CACNA1H: variants seen among roughly 807,000 people sequenced by gnomAD.
CACNA1H encodes voltage-dependent T-type calcium channel subunit alpha-1H.
Under a neutral mutation model 192.5 loss-of-function variants are expected in CACNA1H, and 149 were observed. The observed-to-expected ratio is 0.77, with a 90% CI of 0.68 to 0.89. CACNA1H has a LOEUF of 0.89. CACNA1H is among the 40% of genes least tolerant of loss of function. CACNA1H has a pLI of 0.00. For missense variants in CACNA1H, 4,257 were observed against 3,423.5 expected (o/e 1.24, Z -6.08); for synonymous variants, 2,202 against 1,475.2 (o/e 1.49, Z -11.29).
At chr16:1,160,395 C>T (rs1449197981) in intron 2 of CACNA1H, among the ~76,000 whole-genome samples, 2 of 152,290 alleles carry the variant, frequency 1.3e-5, no homozygotes, top group East Asian at 1.9e-4. Context: ...CAGCCGGTCG[C>T]GCCCTGAGCA....
chr16:1,175,006 G>A (rs948398273), intron 2 of CACNA1H, among the ~76,000 whole-genome samples: 6 of 151,244 alleles, frequency 4.0e-5, no homozygotes, highest in Non-Finnish European at 8.8e-5. Context: ...TGGGTCTCAG[G>A]GCTGCATGGA....
intron 12 of CACNA1H, 112 bp from the exon 13 acceptor site, chr16:1,206,889 G>A: frequency 1.6e-6 from 1 of 613,452 alleles, no homozygotes; most frequent in Non-Finnish European, 2.9e-6. Flanking sequence ...AGCCAAGACG[G>A]GCAGAGCCAG....
At chr16:1,212,456 C>T in intron 25 of CACNA1H, 55 bp from the exon 26 acceptor site, 42 of 1,556,806 alleles carry the variant, frequency 2.7e-5, no homozygotes, top group Non-Finnish European at 3.6e-5. Flanking sequence ...AGGGAGGGCT[C>T]CAGGCCCGAG....
intron 5 of CACNA1H, among the ~76,000 whole-genome samples, chr16:1,198,298 C>T (rs1967239996): frequency 2.0e-5 from 3 of 152,182 alleles, no homozygotes; most frequent in Admixed American, 6.5e-5. Context: ...TCCACTCCTG[C>T]CCCTCCACAC....
At chr16:1,202,482 G>C (rs1968079028) in intron 9 of CACNA1H, 30 bp downstream of exon 9, 3 of 1,458,024 alleles carry the variant, frequency 2.1e-6, no homozygotes, top group Admixed American at 2.4e-5. Flanking sequence ...CCACGGAGGA[G>C]GCGGTGGGAC....
At chr16:1,156,545 C>T (rs960949666) in intron 2 of CACNA1H, among the ~76,000 whole-genome samples, 2 of 152,148 alleles carry the variant, frequency 1.3e-5, no homozygotes, top group East Asian at 1.9e-4. Flanking sequence ...GCGGCAGGGG[C>T]GGTGGGCGAC....
At chr16:1,154,859 C>T (rs547030859) in intron 2 of CACNA1H, among the ~76,000 whole-genome samples, 2 of 152,270 alleles carry the variant, frequency 1.3e-5, no homozygotes, top group South Asian at 2.1e-4. Context: ...CAGCAGGTGG[C>T]CTTGGGGGCG....
intron 2 of CACNA1H, among the ~76,000 whole-genome samples, chr16:1,169,916 G>A (rs1219951318): frequency 6.6e-6 from 1 of 152,268 alleles, no homozygotes; most frequent in Admixed American, 6.5e-5. Context: ...GTTTGGAGCT[G>A]GGCGGCTGGG....
At chr16:1,200,138 G>A (rs759110192) in intron 6 of CACNA1H, 118 bp from the exon 7 acceptor site, 86 of 808,000 alleles carry the variant, frequency 1.1e-4, no homozygotes, top group Non-Finnish European at 1.5e-4. Flanking sequence ...TAGTCCACTG[G>A]CCCTGACCCT....
Position 1,213,857 on chromosome 16 carries a change from C to T in CACNA1H, c.4855C>T (p.Leu1619Phe), listed in dbSNP as rs1064796794. Residue 1619 changes from leucine to phenylalanine, a missense_variant, in exon 27 of 35, where the codon CTC (leucine) becomes TTC (phenylalanine). Coordinates refer to ENST00000348261, the MANE Select transcript of CACNA1H (RefSeq NM_021098.3). ...SIHSLCTSHY[L>F]DLFITFIICV... ...TCACTCGCTGTGCACCAGCCACTAT[C>T]TCGACCTCTTCATCACCTTCATCAT... 1 of 1,609,438 alleles carries T rather than the reference C, an allele frequency of 6.2e-7. No homozygotes were observed. Among genetic ancestry groups the T allele is most frequent in the Non-Finnish European group, 8.5e-7 (1 of 1,178,330 alleles).
At chr16:1,203,928 C>T in intron 9 of CACNA1H, 82 bp from the exon 10 acceptor site, 1 of 1,023,252 alleles carries the variant, frequency 9.8e-7, no homozygotes. Context: ...ATTCACCCCA[C>T]CGCTCCTGTG....
Position 1,216,954 on chromosome 16 carries a change from T to C in CACNA1H, c.5267T>C (p.Phe1756Ser), listed in dbSNP as rs767973097. The change falls in exon 31 of 35, where the codon TTC (phenylalanine) becomes TCC (serine). Residue 1756 changes from phenylalanine (F) to serine (S), a missense_variant. Physicochemically the swap from Phe to Ser is radical, Grantham distance 155. Coordinates refer to ENST00000348261, the MANE Select transcript of CACNA1H (RefSeq NM_021098.3). ...LPQVGNLGLL[F>S]MLLFFIYAAL... Reference sequence around the variant, plus strand: ...TAGGTGGGGAACCTGGGCCTTCTTTTCATGCTCCTGTTTTTTATCTATGCT... The same window carrying C: ...TAGGTGGGGAACCTGGGCCTTCTTTCCATGCTCCTGTTTTTTATCTATGCT... The C allele has an allele frequency of 4.4e-6, 7 of 1,605,190 alleles. No individual in the cohort carries two copies. Among genetic ancestry groups the C allele is most frequent in the Non-Finnish European group, 6.0e-6 (7 of 1,176,148 alleles).
At chr16:1,178,771 C>T (rs1189971088) in intron 2 of CACNA1H, among the ~76,000 whole-genome samples, 2 of 152,182 alleles carry the variant, frequency 1.3e-5, no homozygotes, top group Non-Finnish European at 2.9e-5. Flanking sequence ...TGCCCCTGCC[C>T]CTGTCTCCTC....
At chr16:1,215,107 T>C (rs1969899513) in intron 28 of CACNA1H, 26 bp downstream of exon 28, 1 of 1,597,606 alleles carries the variant, frequency 6.3e-7, no homozygotes, top group Non-Finnish European at 8.5e-7. Flanking sequence ...CCGTCTTGGG[T>C]TCTGGGGGCC....
chr16:1,206,863 G>C (rs902390871), intron 12 of CACNA1H, 138 bp from the exon 13 acceptor site: 1 of 600,128 alleles, frequency 1.7e-6, no homozygotes, highest in Non-Finnish European at 3.0e-6. Flanking sequence ...GCCCAGGGAG[G>C]GTAGGAGGCC....
At chr16:1,211,435 T>C (rs1466794294) in intron 22 of CACNA1H, 46 bp from the exon 23 acceptor site, 1 of 1,610,654 alleles carries the variant, frequency 6.2e-7, no homozygotes, top group Non-Finnish European at 8.5e-7. Flanking sequence ...CGGTGTGGGG[T>C]GGGGCACAGG....
At position 1,204,276 on chromosome 16, in the gene CACNA1H, G is replaced by C. The variant is rs200813987; in HGVS notation, c.2269G>C (p.Gly757Arg). The change falls in exon 10 of 35, where the codon GGC (glycine) becomes CGC (arginine). Residue 757 changes from glycine (G) to arginine (R), a missense_variant. By Grantham distance (125) the Gly-to-Arg change is moderately radical. Transcript: ENST00000348261. ...GACGGACACACCAGGCCCAGGCCCA[G>C]GCAGCCCCCAGCGGCGGGCACAGCA... Reference protein sequence around the residue: ...RATDTPGPGPGSPQRRAQQRA... With the variant: ...RATDTPGPGPRSPQRRAQQRA... The C allele has an allele frequency of 5.9e-5, 95 of 1,608,552 alleles. No homozygotes were observed. The African/African-American group carries it at 1.2e-3, about 20-fold the overall frequency.
chr16:1,185,078 T>A (rs1252007865), intron 2 of CACNA1H, among the ~76,000 whole-genome samples: 1 of 152,230 alleles, frequency 6.6e-6, no homozygotes, highest in Non-Finnish European at 1.5e-5. Flanking sequence ...GCTTTGTCTC[T>A]GGGTTTGCCT....
chr16:1,184,675 C>T (rs916328048), intron 2 of CACNA1H, among the ~76,000 whole-genome samples: 33 of 152,230 alleles, frequency 2.2e-4, no homozygotes, highest in African/African-American at 7.7e-4. Context: ...GGGCCTTCTG[C>T]TCAGCGAGAG....
Sources: gnomAD v4.1 joint callset for allele counts (sites outside exome capture counted in the v4.1 genomes callset) on GRCh38, gnomAD v4.1.1 for gene constraint, MANE v1.5 for transcripts, NCBI Gene and HGNC (gene_info 2026-07-23, HGNC 2026-07-21) for gene names.